SLC24A2: variants seen among roughly 807,000 people sequenced by gnomAD.
SLC24A2 encodes the protein sodium/potassium/calcium exchanger 2.
A neutral mutation model predicts 62.0 loss-of-function variants in SLC24A2; 36 were observed. That is an observed-to-expected ratio of 0.58 (90% CI 0.44 to 0.77). The LOEUF is 0.77. Among genes scored for constraint, SLC24A2 ranks in the 30% least tolerant of loss-of-function variants. SLC24A2 has a pLI of 0.00. For missense variants in SLC24A2, 846 were observed against 817.9 expected (o/e 1.03, Z -0.42); for synonymous variants, 358 against 294.0 (o/e 1.22, Z -2.23).
chr9:19,576,732 T>A (rs1234054771), intron 6 of SLC24A2, among the ~76,000 whole-genome samples, 192 bp downstream of exon 6: 1 of 152,178 alleles, frequency 6.6e-6, no homozygotes, highest in African/African-American at 2.4e-5. Flanking sequence ...GAGTTACTGG[T>A]GACATACTGT....
At chr9:20,012,034 C>T in the SLC24A2 span, among the ~76,000 whole-genome samples, 11 of 152,284 alleles carry the variant, frequency 7.2e-5, no homozygotes, top group African/African-American at 2.2e-4. Flanking sequence ...AGGGAATTTA[C>T]TCAACATAAA....
At chr9:19,665,150 A>G (rs1240549454) in intron 2 of SLC24A2, among the ~76,000 whole-genome samples, 1 of 152,212 alleles carries the variant, frequency 6.6e-6, no homozygotes, top group Admixed American at 6.5e-5. Context: ...GAAGCAGTAG[A>G]CAGGGGAATG....
chr9:20,012,521 C>G, the SLC24A2 span, among the ~76,000 whole-genome samples: 1 of 151,844 alleles, frequency 6.6e-6, no homozygotes, highest in Non-Finnish European at 1.5e-5. Flanking sequence ...CAACATAGTA[C>G]AGAAAGTCCT....
chr9:19,803,883 G>T, the SLC24A2 span, among the ~76,000 whole-genome samples: 1 of 152,070 alleles, frequency 6.6e-6, no homozygotes, highest in African/African-American at 2.4e-5. Flanking sequence ...ACTTAATTGA[G>T]ATATAATTCA....
chr9:20,293,473 A>T, the SLC24A2 span, among the ~76,000 whole-genome samples: 1 of 152,084 alleles, frequency 6.6e-6, no homozygotes. Flanking sequence ...TCAAATCCTA[A>T]CTGCAAGATT....
chr9:19,788,282 A>G (rs762649802), intron 1 of SLC24A2, among the ~76,000 whole-genome samples: 2 of 152,178 alleles, frequency 1.3e-5, no homozygotes, highest in Non-Finnish European at 2.9e-5. Flanking sequence ...CGATTAAGCG[A>G]TTCACAGCAC....
At chr9:20,030,493 G>A in the SLC24A2 span, among the ~76,000 whole-genome samples, 1 of 152,078 alleles carries the variant, frequency 6.6e-6, no homozygotes, top group Non-Finnish European at 1.5e-5. Context: ...AGGAGGAAGG[G>A]GACTGACTGG....
the SLC24A2 span, among the ~76,000 whole-genome samples, chr9:20,215,066 C>G: frequency 2.0e-5 from 3 of 152,186 alleles, no homozygotes; most frequent in Admixed American, 2.0e-4. Context: ...ATTTATTTTT[C>G]ACAGTTCTCA....
At position 19,516,632 on chromosome 9, in the gene SLC24A2, AG is replaced by A. The variant is rs112842306; in HGVS notation, c.1737-231del. On this transcript the variant is annotated intron_variant, in intron 10 of 10. Coordinates refer to ENST00000341998, the MANE Select transcript of SLC24A2 (RefSeq NM_020344.4). ...TGACTGAATTCAGAACAGGGAGAAC[AG>A]TTAGACAACATCAAAGACATGACTG... is the stretch of plus-strand genomic sequence containing the variant. Among the ~76,000 whole-genome samples the A allele has an allele frequency of 3.0e-3, 452 of 152,356 alleles. 5 individuals are homozygous for A. Among genetic ancestry groups the A allele is most frequent in the African/African-American group, 1.0e-2 (415 of 41,580 alleles).
At chr9:20,216,618 C>G in the SLC24A2 span, among the ~76,000 whole-genome samples, 2,980 of 152,252 alleles carry the variant, frequency 0.02, 45 homozygotes, top group Non-Finnish European at 0.03. Flanking sequence ...ATTATCACTC[C>G]TGGGGCAGTG....
chr9:19,636,315 T>TTTCCTTCCTTTCTTTCTTTCTTTCTTTC (rs1554690361), intron 2 of SLC24A2, among the ~76,000 whole-genome samples: 2 of 40,320 alleles, frequency 5.0e-5, no homozygotes, highest in African/African-American at 2.3e-4. Flanking sequence ...TTTTCTTTTC[T>TTTCCTTCCTTTCTTTCTTTCTTTCTTTC]TTTCTTTCTT....
At chr9:19,737,159 A>G (rs1821534522) in intron 2 of SLC24A2, among the ~76,000 whole-genome samples, 1 of 152,190 alleles carries the variant, frequency 6.6e-6, no homozygotes, top group African/African-American at 2.4e-5. Context: ...ATCTAGGCCC[A>G]TTTGCGGGGA....
chr9:20,222,122 A>G, the SLC24A2 span, among the ~76,000 whole-genome samples: 2 of 152,038 alleles, frequency 1.3e-5, no homozygotes, highest in Admixed American at 6.6e-5. Flanking sequence ...ATAAATATTA[A>G]ATAACGAAAT....
At chr9:19,526,850 AAATT>A (rs752557160) in intron 9 of SLC24A2, among the ~76,000 whole-genome samples, 38 of 132,470 alleles carry the variant, frequency 2.9e-4, no homozygotes, top group Admixed American at 9.5e-4. Flanking sequence ...AATTTTGATG[AAATT>A]AATTAATCAA....
chr9:19,840,303 A>C, the SLC24A2 span, among the ~76,000 whole-genome samples: 1 of 152,308 alleles, frequency 6.6e-6, no homozygotes, highest in African/African-American at 2.4e-5. Context: ...GACTCTTTCT[A>C]GAATTAAACC....
chr9:19,849,283 T>C, the SLC24A2 span, among the ~76,000 whole-genome samples: 2 of 152,292 alleles, frequency 1.3e-5, no homozygotes, highest in Admixed American at 6.5e-5. Context: ...TAAGAATACA[T>C]AGAATAAATC....
chr9:20,151,762 A>G, the SLC24A2 span, among the ~76,000 whole-genome samples: 1 of 151,646 alleles, frequency 6.6e-6, no homozygotes, highest in African/African-American at 2.4e-5. Flanking sequence ...TCTCAATACT[A>G]CATATTCTGG....
intron 2 of SLC24A2, among the ~76,000 whole-genome samples, chr9:19,731,305 T>A (rs540866395): frequency 3.9e-5 from 6 of 152,310 alleles, no homozygotes; most frequent in African/African-American, 1.4e-4. Flanking sequence ...CTTGTGAGGA[T>A]TATACATAAT....
At chr9:19,953,360 T>C in the SLC24A2 span, among the ~76,000 whole-genome samples, 1 of 152,042 alleles carries the variant, frequency 6.6e-6, no homozygotes, top group Non-Finnish European at 1.5e-5. Context: ...ACTATAGTTT[T>C]CAATGTGTTC....
Sources: gnomAD v4.1 joint callset for allele counts (sites outside exome capture counted in the v4.1 genomes callset) on GRCh38, gnomAD v4.1.1 for gene constraint, MANE v1.5 for transcripts, NCBI Gene and HGNC (gene_info 2026-07-23, HGNC 2026-07-21) for gene names.